MOB3B: variants seen among roughly 807,000 people sequenced by gnomAD.
The protein encoded by MOB3B is MOB kinase activator-like 2B.
In MOB3B, 7 loss-of-function variants were observed where a neutral mutation model predicts 18.7. That is an observed-to-expected ratio of 0.37 (90% CI 0.21 to 0.70). The LOEUF is 0.70. MOB3B is among the 30% of genes least tolerant of loss of function. The pLI is 0.52. For synonymous variants in MOB3B, 111 were observed against 99.9 expected (o/e 1.11, Z -0.66); for missense variants, 253 against 281.3 (o/e 0.90, Z 0.72).
intron 2 of MOB3B, 113 bp downstream of exon 2, chr9:27,455,020 T>C: frequency 8.9e-7 from 1 of 1,120,060 alleles, no homozygotes; most frequent in Non-Finnish European, 1.3e-6. Context: ...TACAGGTATG[T>C]GAGTGATGGG....
chr9:27,529,430 T>C (rs2131514664), intron 1 of MOB3B, 125 bp downstream of exon 1: 1 of 522,718 alleles, frequency 1.9e-6, no homozygotes, highest in Non-Finnish European at 2.5e-6. Context: ...GTCCGCCGCC[T>C]CCCGCACCTT....
chr9:27,376,373 T>A (rs1329468152), intron 2 of MOB3B, among the ~76,000 whole-genome samples: 1 of 152,250 alleles, frequency 6.6e-6, no homozygotes, highest in East Asian at 1.9e-4. Context: ...AATAGATGTT[T>A]GTTTCATAGA....
chr9:27,447,676 C>CGT, intron 2 of MOB3B, among the ~76,000 whole-genome samples: 1 of 152,162 alleles, frequency 6.6e-6, no homozygotes, highest in African/African-American at 2.4e-5. Context: ...ACTGGAGGCC[C>CGT]TAAACAGAGG....
In MOB3B at chr9:27,375,282, T is replaced by C. The variant is rs144916680; in HGVS notation, c.419-16046A>G. 3.9e-3 allele frequency among the ~76,000 whole-genome samples: 594 copies of C among 152,360 alleles called. 2 individuals are homozygous for C. The highest frequency in any genetic ancestry group is 0.014 in the African/African-American group (571 of 41,576). On this transcript the variant is annotated intron_variant, in intron 2 of 3. Coordinates refer to ENST00000262244, the MANE Select transcript of MOB3B (RefSeq NM_024761.5). ...GGAGTGGGGTAGTCACTCTTTTTGGTTCTCCGTTTAACATAAATGTGCAGA... is the reference window on the plus strand; with the variant it reads ...GGAGTGGGGTAGTCACTCTTTTTGGCTCTCCGTTTAACATAAATGTGCAGA...
intron 3 of MOB3B, among the ~76,000 whole-genome samples, chr9:27,343,700 CTTTTTTTTTT>C (rs58115889): frequency 8.1e-6 from 1 of 123,958 alleles, no homozygotes; most frequent in African/African-American, 3.1e-5. Context: ...GAATTTTAGC[CTTTTTTTTTT>C]TTTTTTTTTA....
At chr9:27,488,270 G>T (rs1314972971) in intron 1 of MOB3B, among the ~76,000 whole-genome samples, 2 of 152,174 alleles carry the variant, frequency 1.3e-5, no homozygotes, top group Non-Finnish European at 2.9e-5. Context: ...TGTAGTAGCA[G>T]CAAGGGTAAC....
chr9:27,462,219 A>AT (rs534030686), intron 1 of MOB3B, among the ~76,000 whole-genome samples: 128 of 152,102 alleles, frequency 8.4e-4, no homozygotes, highest in African/African-American at 2.7e-3. Flanking sequence ...GATTATACTG[A>AT]TTTTTTTTAA....
intron 2 of MOB3B, among the ~76,000 whole-genome samples, chr9:27,375,645 C>T (rs1375044845): frequency 6.6e-6 from 1 of 152,136 alleles, no homozygotes; most frequent in Non-Finnish European, 1.5e-5. Flanking sequence ...GCCCCACACT[C>T]ACCCCATGCA....
chr9:27,356,478 A>G (rs1821191868), intron 3 of MOB3B, among the ~76,000 whole-genome samples: 1 of 152,204 alleles, frequency 6.6e-6, no homozygotes, highest in Admixed American at 6.5e-5. Context: ...AATTATAGAA[A>G]ATAACTGAGT....
intron 2 of MOB3B, among the ~76,000 whole-genome samples, chr9:27,370,187 C>A (rs900749474): frequency 6.6e-6 from 1 of 152,072 alleles, no homozygotes; most frequent in Non-Finnish European, 1.5e-5. Flanking sequence ...AAGGCAGACA[C>A]CCCATGAATG....
At chr9:27,491,491 A>C (rs560324302) in intron 1 of MOB3B, among the ~76,000 whole-genome samples, 1 of 152,150 alleles carries the variant, frequency 6.6e-6, no homozygotes, top group African/African-American at 2.4e-5. Flanking sequence ...AAATGGTCAA[A>C]CTTTTTATTT....
intron 2 of MOB3B, among the ~76,000 whole-genome samples, chr9:27,372,714 A>G (rs1221384893): frequency 2.0e-5 from 3 of 152,260 alleles, no homozygotes; most frequent in African/African-American, 4.8e-5. Flanking sequence ...TCTGACTGGT[A>G]GTCCTCAAAA....
intron 2 of MOB3B, among the ~76,000 whole-genome samples, chr9:27,361,160 T>G (rs1821269720): frequency 6.6e-6 from 1 of 152,202 alleles, no homozygotes; most frequent in Admixed American, 6.5e-5. Flanking sequence ...ATCTGTGGAA[T>G]AGGTTTTATT....
intron 2 of MOB3B, among the ~76,000 whole-genome samples, chr9:27,361,540 C>T (rs989775991): frequency 2.8e-4 from 43 of 152,284 alleles, no homozygotes; most frequent in African/African-American, 9.4e-4. Flanking sequence ...TTTCTCTGCC[C>T]AGGCCTTAAG....
At chr9:27,450,740 C>G (rs566660845) in intron 2 of MOB3B, among the ~76,000 whole-genome samples, 1 of 152,210 alleles carries the variant, frequency 6.6e-6, no homozygotes, top group African/African-American at 2.4e-5. Flanking sequence ...CAGACCCTGA[C>G]TCCTAAATAT....
At chr9:27,348,643 A>T (rs1265112543) in intron 3 of MOB3B, among the ~76,000 whole-genome samples, 3 of 151,478 alleles carry the variant, frequency 2.0e-5, no homozygotes, top group Non-Finnish European at 4.4e-5. Flanking sequence ...ACAGAGCAAG[A>T]CTCCATCTCA....
rs1175008299 is a variant in MOB3B, at chr9:27,529,557, TG to T, written c.-202del. On this transcript the variant is annotated 5_prime_UTR_variant, in exon 1 of 4. Coordinates refer to ENST00000262244, the MANE Select transcript of MOB3B (RefSeq NM_024761.5). The stretch of plus-strand genomic sequence containing the variant: ...GCTTGGAGCGGGTTCTTACTCACCG[TG>T]GGGTTTTACCTCCAGCCCAGGGCCC... The T allele has an allele frequency of 8.1e-6, 8 of 985,334 alleles. No individual in the cohort carries two copies. The East Asian group carries it at 5.7e-4, about 70-fold the overall frequency. 61.0% of individuals were successfully genotyped at this position (985,334 alleles called of 1,614,324 possible). A position where few individuals can be genotyped will look rare whatever the true frequency, so the allele number is the denominator to read the frequency against.
intron 1 of MOB3B, among the ~76,000 whole-genome samples, chr9:27,482,764 C>T (rs1563879737): frequency 6.6e-6 from 1 of 152,170 alleles, no homozygotes; most frequent in African/African-American, 2.4e-5. Flanking sequence ...ATAAGGAATG[C>T]ACCACATGGC....
At chr9:27,347,464 C>T (rs1039890009) in intron 3 of MOB3B, among the ~76,000 whole-genome samples, 3 of 152,234 alleles carry the variant, frequency 2.0e-5, no homozygotes, top group Non-Finnish European at 4.4e-5. Flanking sequence ...CTGGGGTTTG[C>T]ATAATGGGTG....
Sources: gnomAD v4.1 joint callset for allele counts (sites outside exome capture counted in the v4.1 genomes callset) on GRCh38, gnomAD v4.1.1 for gene constraint, MANE v1.5 for transcripts, NCBI Gene and HGNC (gene_info 2026-07-23, HGNC 2026-07-21) for gene names.